The following ZNF516 variants were observed in gnomAD, a reference collection of about 807,000 sequenced individuals.
ZNF516 encodes the protein zinc finger protein 516.
In ZNF516, 19 loss-of-function variants were observed where a neutral mutation model predicts 79.7. That is an observed-to-expected ratio of 0.24 (90% CI 0.17 to 0.35). The LOEUF is 0.35. ZNF516 is among the 10% of genes least tolerant of loss of function. The probability of loss-of-function intolerance (pLI) is 1.00; values close to 1 mark genes in which losing one functional copy is unlikely to be tolerated. For missense variants in ZNF516, 1,678 were observed against 1,679.5 expected (o/e 1.00, Z 0.02); for synonymous variants, 877 against 739.5 (o/e 1.19, Z -3.02).
At chr18:76,483,264 G>A (rs1224767163) in intron 1 of ZNF516, among the ~76,000 whole-genome samples, 2 of 152,120 alleles carry the variant, frequency 1.3e-5, no homozygotes, top group African/African-American at 4.8e-5. Flanking sequence ...CACAGCTCAA[G>A]CCAGCCAACC....
intron 3 of ZNF516, among the ~76,000 whole-genome samples, chr18:76,397,985 A>C (rs1293945617): frequency 6.6e-6 from 1 of 152,226 alleles, no homozygotes; most frequent in East Asian, 1.9e-4. Flanking sequence ...GTTACTTTTT[A>C]AATCAGTGAG....
chr18:76,437,384 G>A (rs1380934808), intron 3 of ZNF516, among the ~76,000 whole-genome samples: 1 of 152,142 alleles, frequency 6.6e-6, no homozygotes, highest in Admixed American at 6.5e-5. Context: ...CGGGAAACGT[G>A]AGACACTCTG....
At chr18:76,366,965 T>A (rs778521356) in intron 6 of ZNF516, among the ~76,000 whole-genome samples, 1 of 152,230 alleles carries the variant, frequency 6.6e-6, no homozygotes, top group Non-Finnish European at 1.5e-5. Context: ...TCAATGAATT[T>A]AAATGTTGAC....
chr18:76,429,020 C>T (rs374967475), intron 3 of ZNF516, among the ~76,000 whole-genome samples: 3 of 152,224 alleles, frequency 2.0e-5, no homozygotes, highest in African/African-American at 7.2e-5. Flanking sequence ...GAGGTCAGCA[C>T]GAGATGCAGG....
At chr18:76,412,334 T>G (rs997253047) in intron 3 of ZNF516, among the ~76,000 whole-genome samples, 4 of 152,018 alleles carry the variant, frequency 2.6e-5, no homozygotes, top group Admixed American at 6.6e-5. Flanking sequence ...AGGGACGGCC[T>G]GAAACAGGAA....
Position 76,442,955 on chromosome 18 carries a change from G to A in ZNF516, c.100C>T (p.His34Tyr). Residue 34 changes from histidine to tyrosine, a missense_variant, in exon 3 of 7, where the codon CAC becomes TAC. By Grantham distance (83) the His-to-Tyr change is moderately conservative. Around this residue, in one of 5 missense-constraint regions of ZNF516, gnomAD observed 62 missense variants for 58.9 expected, o/e 1.05. Transcript: ENST00000443185. ...HEVDGDKATC[H>Y]TCCICGKSFP... ...CTCTTGCCGCAGATGCAGCAGGTGT[G>A]GCAGGTAGCCTTGTCCCCATCCACC... 1.2e-6 allele frequency: 2 copies of A among 1,609,110 alleles called. No homozygotes were observed. Among genetic ancestry groups the A allele is most frequent in the Non-Finnish European group, 1.7e-6 (2 of 1,179,784 alleles).
Position 76,379,698 on chromosome 18 carries a change from T to C in ZNF516, c.2416A>G (p.Asn806Asp), listed in dbSNP as rs2145028985. The C allele has an allele frequency of 1.2e-6, 2 of 1,613,716 alleles. No homozygotes were observed. Among genetic ancestry groups the C allele is most frequent in the East Asian group, 2.2e-5 (1 of 44,872 alleles). ...QPNGYKSIRS[N>D]LVFLSRSGRT... ...CCGCTCCGGGAAAGGAAAACCAAATTGCTTCTGATGCTTTTGTAACCATTG... is the reference window on the plus strand; with the variant it reads ...CCGCTCCGGGAAAGGAAAACCAAATCGCTTCTGATGCTTTTGTAACCATTG... The change falls in exon 4 of 7, where the codon AAT (asparagine) becomes GAT (aspartate). Residue 806 changes from asparagine to aspartate, a missense_variant. Physicochemically the swap from Asn to Asp is conservative, Grantham distance 23 (BLOSUM62 1). This residue lies in a region of ZNF516 where 1,294 missense variants were observed against 1,248.3 expected (regional missense o/e 1.04). Transcript: ENST00000443185.
intron 3 of ZNF516, among the ~76,000 whole-genome samples, chr18:76,398,825 TACA>T (rs750079417): frequency 1.3e-5 from 2 of 152,222 alleles, no homozygotes; most frequent in African/African-American, 4.8e-5. Context: ...CATGGCTTTC[TACA>T]ACTTTTTCTA....
intron 1 of ZNF516, among the ~76,000 whole-genome samples, chr18:76,466,027 C>T (rs887389320): frequency 6.6e-6 from 1 of 152,164 alleles, no homozygotes; most frequent in Non-Finnish European, 1.5e-5. Flanking sequence ...ACACCATTTT[C>T]AATTTAAAGA....
At chr18:76,424,039 T>TC (rs1171787864) in intron 3 of ZNF516, among the ~76,000 whole-genome samples, 3 of 74,196 alleles carry the variant, frequency 4.0e-5, no homozygotes, top group African/African-American at 5.6e-5. Context: ...GGTGAAAGGG[T>TC]CCCCCCCGAA....
In ZNF516 at chr18:76,371,377, A is replaced by G. The variant is rs1224500953; in HGVS notation, c.3364+90T>C. 3.1e-6 allele frequency: 4 copies of G among 1,305,444 alleles called. No individual in the cohort carries two copies. The African/African-American group carries it at 4.4e-5, about 14-fold the overall frequency. The allele number at this position is 1,305,444 out of a possible 1,614,324, so 80.9% of individuals were successfully genotyped here. A position where few individuals can be genotyped will look rare whatever the true frequency, so the allele number is the denominator to read the frequency against. On this transcript the variant is annotated intron_variant, in intron 5 of 6. Transcript: ENST00000443185. Reference sequence around the variant, plus strand: ...GCCTGGTAGGGGCTGAAATCTCAGTATCTCCCTCGCTGCGGATGGTCAAGC... The same window carrying G: ...GCCTGGTAGGGGCTGAAATCTCAGTGTCTCCCTCGCTGCGGATGGTCAAGC...
chr18:76,420,896 G>A (rs955959003), intron 3 of ZNF516, among the ~76,000 whole-genome samples: 1 of 152,196 alleles, frequency 6.6e-6, no homozygotes, highest in Non-Finnish European at 1.5e-5. Context: ...AATTTCCTTA[G>A]TGATGTCTTT....
intron 3 of ZNF516, among the ~76,000 whole-genome samples, chr18:76,439,247 C>T (rs1232239404): frequency 6.6e-6 from 1 of 152,192 alleles, no homozygotes; most frequent in African/African-American, 2.4e-5. Flanking sequence ...TTTGTTGCTA[C>T]ACTAGACCAT....
intron 3 of ZNF516, among the ~76,000 whole-genome samples, chr18:76,399,048 C>G (rs1033325743): frequency 2.0e-5 from 3 of 152,190 alleles, no homozygotes; most frequent in Admixed American, 6.5e-5. Flanking sequence ...CGGATTTCCC[C>G]GAGGCATCCT....
intron 3 of ZNF516, among the ~76,000 whole-genome samples, chr18:76,433,192 T>C (rs1344959010): frequency 6.6e-6 from 1 of 152,216 alleles, no homozygotes; most frequent in African/African-American, 2.4e-5. Flanking sequence ...CTCTAGAGTC[T>C]AGACATCCAG....
Position 76,360,646 on chromosome 18 carries a change from A to AAAAAAAATAT in ZNF516, c.*1851_*1852insATATTTTTTT, listed in dbSNP as rs373540251. 2.1e-3 allele frequency: 154 copies of AAAAAAAATAT among 72,392 alleles called. 2 individuals carry two copies. Among genetic ancestry groups the AAAAAAAATAT allele is most frequent in the Non-Finnish European group, 3.6e-3 (134 of 36,860 alleles). 4.5% of individuals were successfully genotyped at this position (72,392 alleles called of 1,614,324 possible). ...AAAAAAATAAGTAAAAAAAAAAAAA[A>AAAAAAAATAT]ATATATATATATATATATATATATA... On this transcript the variant is annotated 3_prime_UTR_variant, in exon 7 of 7. Coordinates refer to ENST00000443185, the MANE Select transcript of ZNF516 (RefSeq NM_014643.4).
At chr18:76,411,788 C>T (rs1301782743) in intron 3 of ZNF516, among the ~76,000 whole-genome samples, 1 of 152,128 alleles carries the variant, frequency 6.6e-6, no homozygotes, top group African/African-American at 2.4e-5. Context: ...ACAGTCTCTG[C>T]CAGGAGCCCT....
chr18:76,471,179 A>G (rs1913812819), intron 1 of ZNF516, among the ~76,000 whole-genome samples: 1 of 152,208 alleles, frequency 6.6e-6, no homozygotes, highest in African/African-American at 2.4e-5. Context: ...GAATAATTCT[A>G]AAAGTATGCA....
At position 76,493,011 on chromosome 18, in the gene ZNF516, T is replaced by A. The variant is rs1235833297; in HGVS notation, c.-272+2133A>T. 1 of 984,662 alleles carries A rather than the reference T, an allele frequency of 1.0e-6. No homozygotes were observed. Among genetic ancestry groups the A allele is most frequent in the African/African-American group, 1.8e-5 (1 of 56,952 alleles). The allele number at this position is 984,662 out of a possible 1,614,324, so 61.0% of individuals were successfully genotyped here. ...GCTCACACACACACCCCAAATTACCTCCGGGATGGAGAAAGCCGCTGCGGA... is the reference window on the plus strand; with the variant it reads ...GCTCACACACACACCCCAAATTACCACCGGGATGGAGAAAGCCGCTGCGGA... On this transcript the variant is annotated intron_variant, in intron 1 of 6. Coordinates refer to ENST00000443185, the MANE Select transcript of ZNF516 (RefSeq NM_014643.4). This position sits in a 1 kb window ranked among gnomAD's most constrained non-coding sequence, Gnocchi z 5.2.
Sources: gnomAD v4.1 joint callset for allele counts (sites outside exome capture counted in the v4.1 genomes callset) on GRCh38, gnomAD v4.1.1 for gene constraint, gnomAD v4.1.1 regional missense constraint, Gnocchi (gnomAD v3.1) non-coding constraint, MANE v1.5 for transcripts, NCBI Gene and HGNC (gene_info 2026-07-23, HGNC 2026-07-21) for gene names.